The following TARS3 variants were observed in gnomAD, a reference collection of about 807,000 sequenced individuals.
TARS3 encodes threonine--tRNA ligase 2, cytoplasmic.
In TARS3, 94 loss-of-function variants were observed where a neutral mutation model predicts 103.5. The observed-to-expected ratio is 0.91, with a 90% CI of 0.77 to 1.08. The LOEUF (loss-of-function observed/expected upper bound fraction) is 1.08. TARS3 is among the 50% of genes least tolerant of loss of function. The probability of loss-of-function intolerance (pLI) is 0.00; values close to 1 mark genes in which losing one functional copy is unlikely to be tolerated. For missense variants in TARS3, 952 were observed against 995.2 expected (o/e 0.96, Z 0.58); for synonymous variants, 416 against 355.4 (o/e 1.17, Z -1.92).
chr15:101,708,108 C>T (rs969798077), intron 6 of TARS3, among the ~76,000 whole-genome samples: 8 of 151,714 alleles, frequency 5.3e-5, no homozygotes, highest in African/African-American at 1.2e-4. Flanking sequence ...TAGTCAGGCA[C>T]GGTGGCACAT....
intron 11 of TARS3, among the ~76,000 whole-genome samples, chr15:101,685,104 T>C (rs1898412071): frequency 6.6e-6 from 1 of 152,220 alleles, no homozygotes; most frequent in African/African-American, 2.4e-5. Context: ...TCTTCTCATC[T>C]TCACTTAAAA....
Position 101,661,756 on chromosome 15 carries a change from C to G in TARS3, c.2028G>C (p.Val676=). ...CTGAAAGAATGGCTATCATTCTTTC[C>G]ACTGATCCCAAAATGGCTCGATGAA... ...VIIHRAILGS[V]ERMIAILSEN... Residue 676 remains valine (V), a synonymous_variant, in exon 16 of 19, where the codon GTG becomes GTC. Coordinates refer to ENST00000335968, the MANE Select transcript of TARS3 (RefSeq NM_152334.3). 1 of 1,607,782 alleles carries G rather than the reference C, an allele frequency of 6.2e-7. No individual in the cohort carries two copies. The highest frequency in any genetic ancestry group is 8.5e-7 in the Non-Finnish European group (1 of 1,176,650).
At chr15:101,664,165 C>T (rs1038592923) in intron 15 of TARS3, 1 of 152,358 alleles carries the variant, frequency 6.6e-6, no homozygotes, top group Admixed American at 6.5e-5. Context: ...GTCATCATTT[C>T]TTACCTGGTC....
In TARS3 at chr15:101,714,934, G is replaced by T. The variant is rs1900063440; in HGVS notation, c.596C>A (p.Ala199Asp). The T allele has an allele frequency of 2.5e-6, 4 of 1,611,192 alleles. No homozygotes were observed. The highest frequency in any genetic ancestry group is 4.5e-5 in the East Asian group (2 of 44,818). Residue 199 changes from alanine (A) to aspartate (D), a missense_variant, in exon 4 of 19, where the codon GCC becomes GAC. By Grantham distance (126) the Ala-to-Asp change is moderately radical (BLOSUM62 -2). Coordinates refer to ENST00000335968, the MANE Select transcript of TARS3 (RefSeq NM_152334.3). ...GTCCCACAGTTCACCATTGACTTTG[G>T]CTATTACCGTGCTTTCAGCCAGTTC... is the stretch of plus-strand genomic sequence containing the variant. ...SQELAESTVI[A>D]KVNGELWDLD...
At chr15:101,706,085 C>T (rs561096947) in intron 6 of TARS3, among the ~76,000 whole-genome samples, 7 of 152,280 alleles carry the variant, frequency 4.6e-5, no homozygotes, top group East Asian at 3.9e-4. Flanking sequence ...CTCAGCCTCC[C>T]GTGTAGCTGG....
chr15:101,685,269 T>C (rs1596304132), intron 11 of TARS3, among the ~76,000 whole-genome samples: 1 of 152,212 alleles, frequency 6.6e-6, no homozygotes, highest in African/African-American at 2.4e-5. Flanking sequence ...AGTTGTACAA[T>C]ATGTTTGTCT....
rs1412614116 is a variant in TARS3 at position 101,688,010 on chromosome 15, A to C, written c.1321-1948T>G. On this transcript the variant is annotated intron_variant, in intron 10 of 18. Coordinates refer to ENST00000335968, the MANE Select transcript of TARS3 (RefSeq NM_152334.3). ...ATGTTGTTTATAAGCTACCCAGTCTAGGGTACTTTGTTATAGCAGCACAAA... is the reference window on the plus strand; with the variant it reads ...ATGTTGTTTATAAGCTACCCAGTCTCGGGTACTTTGTTATAGCAGCACAAA... 2.0e-5 allele frequency among the ~76,000 whole-genome samples: 3 copies of C among 152,142 alleles called. No individual in the cohort carries two copies. The East Asian group carries it at 5.8e-4, about 29-fold the overall frequency.
chr15:101,680,576 T>C (rs930525232), intron 12 of TARS3, among the ~76,000 whole-genome samples: 4 of 152,214 alleles, frequency 2.6e-5, no homozygotes, highest in Non-Finnish European at 4.4e-5. Flanking sequence ...TACTTGTTCT[T>C]AGAGGGAAGG....
At chr15:101,723,200 C>A (rs1403398615) in intron 1 of TARS3, 36 bp from the exon 2 acceptor site, 1 of 1,566,138 alleles carries the variant, frequency 6.4e-7, no homozygotes, top group Non-Finnish European at 8.8e-7. Flanking sequence ...ACATCAATGG[C>A]AAGAAAAAGC....
At chr15:101,668,881 T>C (rs1478698981) in intron 15 of TARS3, among the ~76,000 whole-genome samples, 1 of 152,236 alleles carries the variant, frequency 6.6e-6, no homozygotes, top group South Asian at 2.1e-4. Flanking sequence ...CATACAATTA[T>C]GTACTGTACA....
chr15:101,720,214 A>G (rs1900378339), intron 3 of TARS3, among the ~76,000 whole-genome samples: 2 of 152,258 alleles, frequency 1.3e-5, no homozygotes, highest in Admixed American at 1.3e-4. Context: ...TCAGTTGTTG[A>G]AACAGTTTGC....
At position 101,715,896 on chromosome 15, in the gene TARS3, C is replaced by T. The variant is rs1048667191; in HGVS notation, c.567-933G>A. Reference sequence around the variant, plus strand: ...ATGTCAATTGAACGCATCACTTCCACGTACCCCGATTTTTAAAATCTTTAT... The same window carrying T: ...ATGTCAATTGAACGCATCACTTCCATGTACCCCGATTTTTAAAATCTTTAT... On this transcript the variant is annotated intron_variant, in intron 3 of 18. Coordinates refer to ENST00000335968, the MANE Select transcript of TARS3 (RefSeq NM_152334.3). Among the ~76,000 whole-genome samples the T allele has an allele frequency of 3.9e-5, 6 of 152,152 alleles. No individual in the cohort carries two copies. The East Asian group carries it at 5.8e-4, about 15-fold the overall frequency.
In TARS3 at chr15:101,660,297, G is replaced by A. The variant is rs538161873; in HGVS notation, c.2072+1415C>T. 3.9e-5 allele frequency among the ~76,000 whole-genome samples: 6 copies of A among 152,342 alleles called. No individual in the cohort carries two copies. In the South Asian group the frequency reaches 1.0e-3, roughly 26 times the overall value. ...GGAGGTAGAAATTTCACAGGTGGTT[G>A]CTGGTTTGCAGCATTTCCACATACT... On this transcript the variant is annotated intron_variant, in intron 16 of 18. Transcript: ENST00000335968.
intron 15 of TARS3, among the ~76,000 whole-genome samples, chr15:101,663,194 AT>A (rs892862018): frequency 1.1e-3 from 170 of 151,984 alleles, no homozygotes; most frequent in African/African-American, 3.9e-3. Context: ...GCTGAAAAAA[AT>A]TTTTTTTTAA....
Position 101,675,623 on chromosome 15 carries a change from C to T in TARS3, c.1765G>A (p.Glu589Lys). ...TRPENFLGEIEMWNEAEKQLQ... is the reference protein window; with the variant it reads ...TRPENFLGEIKMWNEAEKQLQ... ...ACCTTCTCAGCCTCATTCCACATCT[C>T]AATCTCTCCTAGGAAGTTTTCCGGC... Residue 589 changes from glutamate (E) to lysine (K), a missense_variant, in exon 13 of 19, where the codon GAG becomes AAG. Glu to Lys is a moderately conservative substitution (Grantham distance 56). Transcript: ENST00000335968. 1 of 1,613,826 alleles carries T rather than the reference C, an allele frequency of 6.2e-7. No homozygotes were observed. The highest frequency in any genetic ancestry group is 8.5e-7 in the Non-Finnish European group (1 of 1,179,908).
intron 8 of TARS3, among the ~76,000 whole-genome samples, chr15:101,702,790 A>C (rs1899348621): frequency 6.6e-6 from 1 of 152,330 alleles, no homozygotes; most frequent in East Asian, 1.9e-4. Flanking sequence ...AAACAAACAA[A>C]CAAAATCAAC....
chr15:101,676,355 G>C (rs13329499), intron 12 of TARS3, among the ~76,000 whole-genome samples: 21,366 of 152,188 alleles, frequency 0.14, 2,006 homozygotes, highest in African/African-American at 0.26. Context: ...GGCAAGATTA[G>C]AAGAGAGCCC....
rs748728396 is a variant in TARS3 at position 101,714,924 on chromosome 15, A to G, written c.606T>C (p.Asn202=). Residue 202 remains asparagine (N), a synonymous_variant, in exon 4 of 19, where the codon AAT becomes AAC. Transcript: ENST00000335968. ...LAESTVIAKV[N]GELWDLDRPL... ...GGCGGTCCAGGTCCCACAGTTCACC[A>G]TTGACTTTGGCTATTACCGTGCTTT... is the stretch of plus-strand genomic sequence containing the variant. 3.1e-6 allele frequency: 5 copies of G among 1,612,128 alleles called. No individual in the cohort carries two copies. The highest frequency in any genetic ancestry group is 4.2e-6 in the Non-Finnish European group (5 of 1,178,916).
intron 10 of TARS3, among the ~76,000 whole-genome samples, chr15:101,686,741 G>A (rs1352791194): frequency 2.0e-5 from 3 of 152,046 alleles, no homozygotes; most frequent in Non-Finnish European, 4.4e-5. Flanking sequence ...TGTCAATTAG[G>A]TCAAATTGTT....
Sources: gnomAD v4.1 joint callset for allele counts (sites outside exome capture counted in the v4.1 genomes callset) on GRCh38, gnomAD v4.1.1 for gene constraint, MANE v1.5 for transcripts, NCBI Gene and HGNC (gene_info 2026-07-23, HGNC 2026-07-21) for gene names.